The following RUNX2 variants were observed in gnomAD, a reference collection of about 807,000 sequenced individuals.
RUNX2 encodes runt-related transcription factor 2.
RUNX2 carries 10 observed loss-of-function variants against 51.7 expected under a neutral mutation model. The observed-to-expected ratio is 0.19, with a 90% CI of 0.12 to 0.33. The LOEUF (loss-of-function observed/expected upper bound fraction) is 0.33. Ranked by LOEUF, RUNX2 falls within the 10% of genes least tolerant of loss-of-function variation. The pLI, the probability that RUNX2 is intolerant of heterozygous loss-of-function variation, is 1.00. For synonymous variants in RUNX2, 276 were observed against 273.6 expected, an observed-to-expected ratio of 1.01 and a Z score of -0.09; for missense variants, 562 against 691.3, an observed-to-expected ratio of 0.81 and a Z score of 2.10.
At chr6:45,429,789 A>G (rs947002522) in intron 3 of RUNX2, among the ~76,000 whole-genome samples, 1 of 151,962 alleles carries the variant, frequency 6.6e-6, no homozygotes, top group Non-Finnish European at 1.5e-5. Context: ...GAGCTCTTTC[A>G]TTTATTTCAA....
intron 7 of RUNX2, among the ~76,000 whole-genome samples, chr6:45,522,540 G>T (rs1328214855): frequency 6.6e-6 from 1 of 152,172 alleles, no homozygotes; most frequent in Non-Finnish European, 1.5e-5. Context: ...TGATGTGTGT[G>T]GCTTCATGTT....
chr6:45,505,375 T>C (rs1044739285), intron 6 of RUNX2, among the ~76,000 whole-genome samples: 16 of 151,972 alleles, frequency 1.1e-4, no homozygotes, highest in East Asian at 3.9e-4. Context: ...TTTTTTTTTT[T>C]TCTTTTCTGC....
intron 2 of RUNX2, among the ~76,000 whole-genome samples, chr6:45,344,679 T>G (rs902640784): frequency 6.6e-5 from 10 of 152,042 alleles, no homozygotes; most frequent in African/African-American, 2.4e-5. Flanking sequence ...TTAGGTAAAG[T>G]GTATAAACTA....
chr6:45,466,677 A>AT (rs2150390283), intron 5 of RUNX2, among the ~76,000 whole-genome samples: 1 of 152,336 alleles, frequency 6.6e-6, no homozygotes, highest in South Asian at 2.1e-4. Context: ...GGAGTACGTA[A>AT]TTTATCTTTT....
rs182292932 is a variant in RUNX2, at chr6:45,414,353, G to A, written c.59-8240G>A. ...ATATTACAATATTCCCTTCTAGACA[G>A]AACGGTCCCTTTAATGTTCCAACAC... On this transcript the variant is annotated intron_variant, in intron 2 of 8. Transcript: ENST00000647337. 3.3e-5 allele frequency among the ~76,000 whole-genome samples: 5 copies of A among 152,198 alleles called. No individual in the cohort carries two copies. In the East Asian group the frequency reaches 7.7e-4, roughly 24 times the overall value.
chr6:45,514,655 C>G (rs1451026465), intron 7 of RUNX2, among the ~76,000 whole-genome samples: 1 of 152,112 alleles, frequency 6.6e-6, no homozygotes, highest in East Asian at 1.9e-4. Flanking sequence ...CTGGAGGAGC[C>G]GTGACTCACC....
At chr6:45,343,018 A>C (rs1005422754) in intron 2 of RUNX2, among the ~76,000 whole-genome samples, 1 of 152,228 alleles carries the variant, frequency 6.6e-6, no homozygotes, top group Non-Finnish European at 1.5e-5. Context: ...CAATTTCCTC[A>C]TCTGTAAAAA....
chr6:45,392,763 G>A (rs577803119), intron 2 of RUNX2, among the ~76,000 whole-genome samples: 3 of 151,888 alleles, frequency 2.0e-5, no homozygotes, highest in Admixed American at 2.0e-4. Flanking sequence ...CCTAGTCTAA[G>A]GTTTAGTGTC....
intron 3 of RUNX2, among the ~76,000 whole-genome samples, chr6:45,429,261 G>C (rs1353715139): frequency 6.6e-6 from 1 of 152,120 alleles, no homozygotes; most frequent in Non-Finnish European, 1.5e-5. Flanking sequence ...CTTTTCTCCT[G>C]CCTTTATTAA....
At chr6:45,479,444 G>A (rs367845028) in intron 5 of RUNX2, among the ~76,000 whole-genome samples, 2 of 152,172 alleles carry the variant, frequency 1.3e-5, no homozygotes, top group African/African-American at 4.8e-5. Flanking sequence ...TAAAGCATGT[G>A]GGGCCTTGAG....
rs1373512743 is a variant in RUNX2 at position 45,404,273 on chromosome 6, AAG to A, written c.59-18318_59-18317del. On this transcript the variant is annotated intron_variant, in intron 2 of 8. Coordinates refer to ENST00000647337, the MANE Select transcript of RUNX2 (RefSeq NM_001024630.4). ...AGACTCTGTCTCAAAAAAAAAAAAAAAGAAAAAGAAAAAAGAAAAAAAAAAGG... is the reference window on the plus strand; with the variant it reads ...AGACTCTGTCTCAAAAAAAAAAAAAAAAAAAGAAAAAAGAAAAAAAAAAGG... Among the ~76,000 whole-genome samples the A allele has an allele frequency of 3.4e-4, 48 of 139,494 alleles. 2 individuals are homozygous for A. The highest frequency in any genetic ancestry group is 7.8e-4 in the Admixed American group (11 of 14,030). 91.5% of individuals were successfully genotyped at this position (139,494 alleles called of 152,430 possible).
intron 5 of RUNX2, among the ~76,000 whole-genome samples, chr6:45,454,715 A>G (rs745425869): frequency 2.6e-5 from 4 of 152,206 alleles, no homozygotes; most frequent in African/African-American, 9.7e-5. Flanking sequence ...TGTTACAGCA[A>G]TGAGGTCCTC....
chr6:45,346,567 C>CTTT (rs71745024), intron 2 of RUNX2, among the ~76,000 whole-genome samples: 2,051 of 140,416 alleles, frequency 0.015, 61 homozygotes, highest in African/African-American at 0.05. Flanking sequence ...ATAAACATTT[C>CTTT]TTTTTTTTTT....
chr6:45,475,123 TAAAA>T (rs35187443), intron 5 of RUNX2, among the ~76,000 whole-genome samples: 3 of 129,022 alleles, frequency 2.3e-5, no homozygotes, highest in African/African-American at 3.0e-5. Context: ...GACTCCATCT[TAAAA>T]AAAAAAAAAA....
At chr6:45,508,659 C>A (rs927915687) in intron 6 of RUNX2, among the ~76,000 whole-genome samples, 1 of 152,200 alleles carries the variant, frequency 6.6e-6, no homozygotes, top group Non-Finnish European at 1.5e-5. Flanking sequence ...GATCTTCTGA[C>A]TTGTTTAGGG....
At chr6:45,436,330 GA>G (rs200230498) in intron 4 of RUNX2, among the ~76,000 whole-genome samples, 1,535 of 151,758 alleles carry the variant, frequency 0.01, 31 homozygotes, top group African/African-American at 0.036. Context: ...TTTAGGGTCT[GA>G]AAAATGAGGT....
chr6:45,365,832 G>C (rs1172141980), intron 2 of RUNX2, among the ~76,000 whole-genome samples: 2 of 151,348 alleles, frequency 1.3e-5, no homozygotes, highest in Admixed American at 1.3e-4. Flanking sequence ...AATCCTATTT[G>C]AACAAAAGCC....
intron 7 of RUNX2, among the ~76,000 whole-genome samples, chr6:45,535,164 T>C (rs1386656445): frequency 2.0e-5 from 3 of 151,956 alleles, no homozygotes; most frequent in Non-Finnish European, 4.4e-5. Flanking sequence ...ACCTGGACGA[T>C]GAAATAATCT....
At chr6:45,483,038 C>T (rs899520848) in intron 5 of RUNX2, among the ~76,000 whole-genome samples, 1 of 152,182 alleles carries the variant, frequency 6.6e-6, no homozygotes. Context: ...AGAGAAGAAT[C>T]TTCTGGAAGC....
Sources: gnomAD v4.1 joint callset for allele counts (sites outside exome capture counted in the v4.1 genomes callset) on GRCh38, gnomAD v4.1.1 for gene constraint, MANE v1.5 for transcripts, NCBI Gene and HGNC (gene_info 2026-07-23, HGNC 2026-07-21) for gene names.